Variants in TNNI3K observed in about 807,000 individuals in gnomAD.
TNNI3K encodes serine/threonine-protein kinase TNNI3K.
Under a neutral mutation model 114.5 loss-of-function variants are expected in TNNI3K, and 140 were observed. The observed-to-expected ratio is 1.22, with a 90% CI of 1.07 to 1.41. The LOEUF (loss-of-function observed/expected upper bound fraction) is 1.41. Ranked by LOEUF, TNNI3K falls within the 40% of genes most tolerant of loss-of-function variation. The pLI is 0.00. For missense variants in TNNI3K, 1,125 were observed against 1,007.6 expected, an observed-to-expected ratio of 1.12 and a Z score of -1.58; for synonymous variants, 347 against 347.5, an observed-to-expected ratio of 1.00 and a Z score of 0.02.
chr1:74,311,084 G>A (rs1395698587), intron 5 of TNNI3K, among the ~76,000 whole-genome samples: 2 of 152,108 alleles, frequency 1.3e-5, no homozygotes, highest in Admixed American at 6.6e-5. Flanking sequence ...TTGTTGAATA[G>A]ATTCATTTTT....
intron 5 of TNNI3K, among the ~76,000 whole-genome samples, chr1:74,296,849 T>A (rs542880847): frequency 2.8e-4 from 42 of 152,318 alleles, no homozygotes; most frequent in African/African-American, 9.9e-4. Flanking sequence ...CTTGCTATTT[T>A]AAATTTTTTT....
intron 5 of TNNI3K, among the ~76,000 whole-genome samples, chr1:74,294,738 T>G (rs1328055297): frequency 6.6e-6 from 1 of 152,110 alleles, no homozygotes. Flanking sequence ...AATGATCTTT[T>G]TCATTACTAA....
intron 20 of TNNI3K, among the ~76,000 whole-genome samples, chr1:74,463,052 C>T: frequency 6.6e-6 from 1 of 152,180 alleles, no homozygotes; most frequent in East Asian, 1.9e-4. Context: ...ATGTTTACTA[C>T]ATACAATATA....
intron 21 of TNNI3K, chr1:74,475,541 A>T (rs1668157619): frequency 1.4e-6 from 1 of 717,304 alleles, no homozygotes; most frequent in Non-Finnish European, 2.6e-6. Flanking sequence ...AGGGTTGCAG[A>T]CTCAGAGGCC....
At chr1:74,472,098 T>C (rs888513371) in intron 21 of TNNI3K, 2 of 717,270 alleles carry the variant, frequency 2.8e-6, no homozygotes, top group Non-Finnish European at 5.2e-6. Flanking sequence ...CTTTTTCTAT[T>C]GGAGGCTGCC....
chr1:74,238,008 C>T (rs925032580), intron 2 of TNNI3K, among the ~76,000 whole-genome samples: 8 of 151,926 alleles, frequency 5.3e-5, no homozygotes, highest in African/African-American at 1.4e-4. Flanking sequence ...CCATAGATAG[C>T]GCTCTTCCTA....
chr1:74,460,716 CA>C (rs1304939318), intron 20 of TNNI3K, among the ~76,000 whole-genome samples: 2 of 152,234 alleles, frequency 1.3e-5, no homozygotes, highest in African/African-American at 2.4e-5. Flanking sequence ...ATTTCAATTT[CA>C]TGACCCCCTC....
chr1:74,378,594 T>TTATATATATATATATATA (rs58113455), intron 17 of TNNI3K: 1 of 77,904 alleles, frequency 1.3e-5, no homozygotes, highest in Non-Finnish European at 2.6e-5. Context: ...CAGTTTAATT[T>TTATATATATATATATATA]TATATATATA....
intron 17 of TNNI3K, among the ~76,000 whole-genome samples, chr1:74,385,958 A>G (rs904994922): frequency 2.0e-5 from 3 of 152,148 alleles, no homozygotes; most frequent in African/African-American, 4.8e-5. Context: ...CATAATCCCC[A>G]TGTGTCGTGG....
chr1:74,320,848 A>AT (rs1375385739), intron 5 of TNNI3K, among the ~76,000 whole-genome samples: 4 of 152,188 alleles, frequency 2.6e-5, no homozygotes, highest in African/African-American at 9.6e-5. Context: ...GGCAGAAGAT[A>AT]TTTTTTCTGA....
chr1:74,514,770 A>G (rs1312862976), intron 23 of TNNI3K, among the ~76,000 whole-genome samples: 2 of 152,120 alleles, frequency 1.3e-5, no homozygotes, highest in African/African-American at 4.8e-5. Flanking sequence ...AAAAATGTGA[A>G]GGGGTATTGT....
chr1:74,413,010 C>A (rs539969807), intron 17 of TNNI3K, among the ~76,000 whole-genome samples: 9 of 152,284 alleles, frequency 5.9e-5, no homozygotes, highest in African/African-American at 1.9e-4. Context: ...GAAAGATAGT[C>A]ATTGTGGGTA....
At chr1:74,376,901 C>T (rs966637611) in intron 17 of TNNI3K, 8 of 151,884 alleles carry the variant, frequency 5.3e-5, no homozygotes, top group African/African-American at 1.9e-4. Context: ...AGAATCTACA[C>T]TTTTAAACAA....
intron 21 of TNNI3K, chr1:74,472,255 A>G (rs1437345302): frequency 2.8e-6 from 2 of 707,826 alleles, no homozygotes; most frequent in Non-Finnish European, 5.3e-6. Flanking sequence ...TATTACCCCA[A>G]CCAAACAGAT....
In TNNI3K at chr1:74,463,040, C is replaced by T. The variant is rs922388407; in HGVS notation, c.2012-401C>T. On this transcript the variant is annotated intron_variant, in intron 20 of 24. Coordinates refer to ENST00000326637, the MANE Select transcript of TNNI3K (RefSeq NM_015978.3). Reference sequence around the variant, plus strand: ...GAGAAGTGCAAATTTCAGTGGTATTCCATGTTTACTACATACAATATAAGC... The same window carrying T: ...GAGAAGTGCAAATTTCAGTGGTATTTCATGTTTACTACATACAATATAAGC... Among the ~76,000 whole-genome samples the T allele has an allele frequency of 2.6e-5, 4 of 152,144 alleles. No individual in the cohort carries two copies. The South Asian group carries it at 8.3e-4, about 31-fold the overall frequency.
intron 17 of TNNI3K, among the ~76,000 whole-genome samples, chr1:74,387,589 A>G (rs1294481645): frequency 6.6e-6 from 1 of 152,194 alleles, no homozygotes; most frequent in East Asian, 1.9e-4. Flanking sequence ...ATTTACCATG[A>G]GCTTTGGTCA....
intron 6 of TNNI3K, among the ~76,000 whole-genome samples, chr1:74,332,976 A>AAAAAGAG (rs57556485): frequency 4.3e-3 from 392 of 90,674 alleles, no homozygotes; most frequent in East Asian, 9.6e-3. Flanking sequence ...AAAAAAAAAA[A>AAAAAGAG]AGAGAGAGAC....
At chr1:74,241,902 T>C (rs1489765506) in intron 2 of TNNI3K, among the ~76,000 whole-genome samples, 1 of 149,434 alleles carries the variant, frequency 6.7e-6, no homozygotes, top group Admixed American at 6.8e-5. Flanking sequence ...CAGGCTGGAG[T>C]GCAGTGGCGC....
chr1:74,307,548 T>C (rs1325835944), intron 5 of TNNI3K, among the ~76,000 whole-genome samples: 1 of 152,186 alleles, frequency 6.6e-6, no homozygotes, highest in African/African-American at 2.4e-5. Flanking sequence ...ATAAGGGCAT[T>C]ATATAATGAT....
Sources: allele counts gnomAD v4.1 joint callset (sites outside exome capture counted in the v4.1 genomes callset), GRCh38; gene constraint gnomAD v4.1.1; transcripts MANE v1.5; gene names NCBI Gene and HGNC (gene_info 2026-07-23, HGNC 2026-07-21).